The following LAD1 variants were observed in gnomAD, a reference collection of about 807,000 sequenced individuals.
LAD1 encodes the protein ladinin 1.
A neutral mutation model predicts 54.2 loss-of-function variants in LAD1; 53 were observed. The observed-to-expected ratio is 0.98, with a 90% CI of 0.78 to 1.23. The LOEUF (loss-of-function observed/expected upper bound fraction) is 1.23, where lower values mean the gene tolerates loss of function less well. Ranked by LOEUF, LAD1 falls within the 50% of genes most tolerant of loss-of-function variation. The pLI, the probability that LAD1 is intolerant of heterozygous loss-of-function variation, is 0.00. For synonymous variants in LAD1, 231 were observed against 257.7 expected, an observed-to-expected ratio of 0.90 and a Z score of 0.99; for missense variants, 637 against 653.3, an observed-to-expected ratio of 0.98 and a Z score of 0.27.
rs1337425946 is a variant in LAD1, at chr1:201,381,023, G to C, written c.*865C>G. The C allele has an allele frequency of 6.6e-6, 1 of 151,926 alleles. No individual in the cohort carries two copies. The highest frequency in any genetic ancestry group is 2.4e-5 in the African/African-American group (1 of 41,314). The allele number at this position is 151,926 out of a possible 1,614,324, so 9.4% of individuals were successfully genotyped here. A position where few individuals can be genotyped will look rare whatever the true frequency, so the allele number is the denominator to read the frequency against. On this transcript the variant is annotated 3_prime_UTR_variant, in exon 10 of 10. Transcript: ENST00000391967. ...TTGGAGGGGGCTTGTGGGGAAGGAG[G>C]GTAGGCCTGGCCCTGTATGTGGCAG... is the stretch of plus-strand genomic sequence containing the variant.
Position 201,386,513 on chromosome 1 carries a change from C to G in LAD1, c.848G>C (p.Arg283Thr). The change falls in exon 3 of 10, where the codon AGG becomes ACG. Residue 283 changes from arginine to threonine, a missense_variant. Arg to Thr is a moderately conservative substitution (Grantham distance 71). Transcript: ENST00000391967. ...CAGGGGCTGCTCTGAGGCTGTGGCC[C>G]TCTTTGGGGCCGGCTTAGCATCTGC... ...PTADAKPAPK[R>T]ATASEQPLAQ... 6.3e-7 allele frequency: 1 copy of G among 1,593,120 alleles called. No homozygotes were observed. Among genetic ancestry groups the G allele is most frequent in the East Asian group, 2.2e-5 (1 of 44,710 alleles).
At position 201,381,902 on chromosome 1, in the gene LAD1, CA is replaced by C; in HGVS notation, c.1549-10del. 2 of 1,613,374 alleles carry C rather than the reference CA, an allele frequency of 1.2e-6. No homozygotes were observed. The highest frequency in any genetic ancestry group is 1.7e-6 in the Non-Finnish European group (2 of 1,179,614). ...GGCGGGGCTTGTCACACCTGTGGGG[CA>C]AAGAGCTGTTAGCACAAGTCAATGG... is the stretch of plus-strand genomic sequence containing the variant. On this transcript the variant is annotated splice_polypyrimidine_tract_variant and intron_variant, in intron 9 of 9. Transcript: ENST00000391967.
chr1:201,392,500 A>G (rs1233233040), intron 1 of LAD1, among the ~76,000 whole-genome samples: 1 of 152,196 alleles, frequency 6.6e-6, no homozygotes. Flanking sequence ...GCCCTGGTTC[A>G]TGAGGAGGAG....
At position 201,381,488 on chromosome 1, in the gene LAD1, G is replaced by T. The variant is rs1661958255; in HGVS notation, c.*400C>A. On this transcript the variant is annotated 3_prime_UTR_variant, in exon 10 of 10. Transcript: ENST00000391967. ...GAAGGGGGACATCATAGACAAAGAG[G>T]CACTTGCTGGGAGCCGATGAGACAG... is the stretch of plus-strand genomic sequence containing the variant. 1 of 294,072 alleles carries T rather than the reference G, an allele frequency of 3.4e-6. No homozygotes were observed. Among genetic ancestry groups the T allele is most frequent in the Non-Finnish European group, 6.5e-6 (1 of 153,896 alleles). The allele number at this position is 294,072 out of a possible 1,614,324, so 18.2% of individuals were successfully genotyped here.
At chr1:201,393,572 C>G (rs903250835) in intron 1 of LAD1, among the ~76,000 whole-genome samples, 2 of 151,764 alleles carry the variant, frequency 1.3e-5, no homozygotes, top group African/African-American at 2.4e-5. Context: ...ATGGTGAAAC[C>G]CTGTCTCTCC....
At chr1:201,385,044 C>CTAAT (rs920979668) in intron 4 of LAD1, among the ~76,000 whole-genome samples, 1 of 152,216 alleles carries the variant, frequency 6.6e-6, no homozygotes, top group African/African-American at 2.4e-5. Context: ...TTCCCACCCA[C>CTAAT]TAATATGGGT....
intron 1 of LAD1, among the ~76,000 whole-genome samples, chr1:201,390,476 G>T (rs1191892203): frequency 1.3e-5 from 2 of 152,146 alleles, no homozygotes; most frequent in African/African-American, 2.4e-5. Flanking sequence ...GGCAGAGGTT[G>T]CAGTGAGCCG....
At chr1:201,391,920 G>T (rs747321365) in intron 1 of LAD1, among the ~76,000 whole-genome samples, 20 of 152,188 alleles carry the variant, frequency 1.3e-4, no homozygotes, top group Non-Finnish European at 2.4e-4. Context: ...AGGTTAAAAG[G>T]TTCTAGAAAA....
Position 201,382,648 on chromosome 1 carries a change from G to A in LAD1, c.1473+5C>T, listed in dbSNP as rs1453932752. 1 of 1,591,818 alleles carries A rather than the reference G, an allele frequency of 6.3e-7. No individual in the cohort carries two copies. The highest frequency in any genetic ancestry group is 1.7e-5 in the Admixed American group (1 of 57,380). ...AGTAAGAGACATCAGGGAGGGTGAGGATACCTGGGGGTCCTGATCTCCAGA... is the reference window on the plus strand; with the variant it reads ...AGTAAGAGACATCAGGGAGGGTGAGAATACCTGGGGGTCCTGATCTCCAGA... On this transcript the variant is annotated splice_donor_5th_base_variant and intron_variant, in intron 8 of 9. Transcript: ENST00000391967.
At position 201,383,131 on chromosome 1, in the gene LAD1, G is replaced by T; in HGVS notation, c.1329C>A (p.His443Gln). 1 of 1,614,032 alleles carries T rather than the reference G, an allele frequency of 6.2e-7. No homozygotes were observed. Among genetic ancestry groups the T allele is most frequent in the Non-Finnish European group, 8.5e-7 (1 of 1,179,982 alleles). ...VAPVGVASKR[H>Q]LFEKELAGQS... ...GGCCCGCCAGTTCCTTCTCAAAGAGGTGGCGCTTGCTGGCTACACCCACAG... is the reference window on the plus strand; with the variant it reads ...GGCCCGCCAGTTCCTTCTCAAAGAGTTGGCGCTTGCTGGCTACACCCACAG... Residue 443 changes from histidine to glutamine, a missense_variant, in exon 7 of 10, where the codon CAC (histidine) becomes CAA (glutamine). Physicochemically the swap from His to Gln is conservative, Grantham distance 24. Transcript: ENST00000391967.
chr1:201,389,244 C>G lies in LAD1; in HGVS notation c.98G>C (p.Arg33Pro). The G allele has an allele frequency of 6.2e-7, 1 of 1,614,080 alleles. No individual in the cohort carries two copies. Among genetic ancestry groups the G allele is most frequent in the Non-Finnish European group, 8.5e-7 (1 of 1,180,010 alleles). The change falls in exon 2 of 10, where the codon CGG (arginine) becomes CCG (proline). Residue 33 changes from arginine (R) to proline (P), a missense_variant. Physicochemically the swap from Arg to Pro is moderately radical, Grantham distance 103 (BLOSUM62 -2). Coordinates refer to ENST00000391967, the MANE Select transcript of LAD1 (RefSeq NM_005558.4). ...EEEQERERRR[R>P]HRNLSSTTDD... ...CGTGGTGGAGCTCAGGTTGCGGTGC[C>G]GCCGCCTGCGCTCGCGCTCCTGTTC...
At chr1:201,392,231 G>A (rs1274115605) in intron 1 of LAD1, among the ~76,000 whole-genome samples, 3 of 152,226 alleles carry the variant, frequency 2.0e-5, no homozygotes, top group Non-Finnish European at 4.4e-5. Context: ...GCATCCCCTG[G>A]ATTGAGCCAA....
At chr1:201,390,370 CAAAAAA>C (rs34155846) in intron 1 of LAD1, among the ~76,000 whole-genome samples, 1 of 112,236 alleles carries the variant, frequency 8.9e-6, no homozygotes, top group African/African-American at 3.3e-5. Context: ...ACTAAAAATA[CAAAAAA>C]AAAAAAAAAA....
Position 201,385,916 on chromosome 1 carries a change from C to T in LAD1, c.1027-111G>A, listed in dbSNP as rs572099433. ...GCTGCAGGAAGAGGGGAGAATGAGACAGCCCTGTGCCTTCTCTCCTGCCTC... is the reference window on the plus strand; with the variant it reads ...GCTGCAGGAAGAGGGGAGAATGAGATAGCCCTGTGCCTTCTCTCCTGCCTC... On this transcript the variant is annotated intron_variant, in intron 3 of 9. Coordinates refer to ENST00000391967, the MANE Select transcript of LAD1 (RefSeq NM_005558.4). 14 of 780,088 alleles carry T rather than the reference C, an allele frequency of 1.8e-5. No homozygotes were observed. In the Admixed American group the frequency reaches 2.7e-4, roughly 15 times the overall value. 48.3% of individuals were successfully genotyped at this position (780,088 alleles called of 1,614,324 possible).
intron 1 of LAD1, 33 bp downstream of exon 1, chr1:201,399,236 C>G (rs1259297152): frequency 6.5e-7 from 1 of 1,528,174 alleles, no homozygotes; most frequent in South Asian, 1.2e-5. Flanking sequence ...CCCCGCCGAC[C>G]CCCCGCCCCT....
intron 1 of LAD1, 83 bp downstream of exon 1, chr1:201,399,186 G>A (rs1049305476): frequency 8.8e-6 from 10 of 1,141,980 alleles, no homozygotes; most frequent in African/African-American, 1.5e-5. Flanking sequence ...TCCCAGGCGG[G>A]GAGGAGGCCG....
intron 1 of LAD1, among the ~76,000 whole-genome samples, chr1:201,392,825 G>C (rs899362888): frequency 6.6e-6 from 1 of 151,920 alleles, no homozygotes; most frequent in South Asian, 2.1e-4. Flanking sequence ...AGGGGAGAGG[G>C]GAAACAGAGG....
At chr1:201,385,040 C>A (rs1399252576) in intron 4 of LAD1, among the ~76,000 whole-genome samples, 1 of 152,236 alleles carries the variant, frequency 6.6e-6, no homozygotes, top group African/African-American at 2.4e-5. Context: ...CAGGTTCCCA[C>A]CCACTAATAT....
At chr1:201,385,121 C>A (rs1292977765) in intron 4 of LAD1, among the ~76,000 whole-genome samples, 1 of 152,236 alleles carries the variant, frequency 6.6e-6, no homozygotes, top group Non-Finnish European at 1.5e-5. Context: ...CTGCCTCCCA[C>A]TGCCCATGAG....
Sources: gnomAD v4.1 joint callset for allele counts (sites outside exome capture counted in the v4.1 genomes callset) on GRCh38, gnomAD v4.1.1 for gene constraint, MANE v1.5 for transcripts, NCBI Gene and HGNC (gene_info 2026-07-23, HGNC 2026-07-21) for gene names.